The following ISX variants were observed in gnomAD, a reference collection of about 807,000 sequenced individuals.
The protein encoded by ISX is intestine specific homeobox, also known as intestine-specific homeobox.
ISX carries 15 observed loss-of-function variants against 16.9 expected under a neutral mutation model. That is an observed-to-expected ratio of 0.89 (90% CI 0.59 to 1.36). The LOEUF (loss-of-function observed/expected upper bound fraction) is 1.36. ISX is among the 40% of genes most tolerant of loss of function. ISX has a pLI of 0.00. For missense variants in ISX, 316 were observed against 306.1 expected (o/e 1.03, Z -0.24); for synonymous variants, 125 against 119.7 (o/e 1.04, Z -0.29).
At chr22:35,069,127 C>G (rs1928783689) in intron 2 of ISX, among the ~76,000 whole-genome samples, 1 of 152,186 alleles carries the variant, frequency 6.6e-6, no homozygotes, top group Non-Finnish European at 1.5e-5. Flanking sequence ...TACTTTTATA[C>G]TAACCTTGTA....
At chr22:35,067,389 C>G in intron 2 of ISX, 73 bp downstream of exon 2, 1 of 1,058,236 alleles carries the variant, frequency 9.4e-7, no homozygotes, top group Non-Finnish European at 1.4e-6. Context: ...AGAGAAAAAG[C>G]TTCTCCGTCC....
intron 4 of ISX, among the ~76,000 whole-genome samples, chr22:35,084,959 G>A (rs1008326022): frequency 1.3e-5 from 2 of 152,094 alleles, no homozygotes; most frequent in African/African-American, 4.8e-5. Context: ...TAGCACCTAG[G>A]AAGTGCTCCC....
intron 2 of ISX, among the ~76,000 whole-genome samples, chr22:35,076,756 C>T (rs1257958856): frequency 1.3e-5 from 2 of 152,144 alleles, no homozygotes; most frequent in African/African-American, 4.8e-5. Context: ...GGCCTAATCA[C>T]CTGTGTAAAT....
intron 4 of ISX, 36 bp from the exon 5 acceptor site, chr22:35,085,418 G>T (rs769900407): frequency 1.5e-5 from 25 of 1,613,300 alleles, no homozygotes; most frequent in Non-Finnish European, 2.0e-5. Context: ...GACAGCTTAG[G>T]ACTCACTTCT....
At chr22:35,072,914 C>T (rs369528643) in intron 2 of ISX, among the ~76,000 whole-genome samples, 3 of 152,116 alleles carry the variant, frequency 2.0e-5, no homozygotes, top group African/African-American at 4.8e-5. Flanking sequence ...GGGTTGCAGT[C>T]GTCTGGAGGC....
At chr22:35,081,815 G>C (rs1929129644) in intron 2 of ISX, among the ~76,000 whole-genome samples, 1 of 152,188 alleles carries the variant, frequency 6.6e-6, no homozygotes, top group South Asian at 2.1e-4. Flanking sequence ...AACCCACTAT[G>C]ACAATTTAAG....
At chr22:35,078,002 C>T (rs773713715) in intron 2 of ISX, among the ~76,000 whole-genome samples, 4 of 152,078 alleles carry the variant, frequency 2.6e-5, no homozygotes, top group Admixed American at 6.6e-5. Flanking sequence ...CGTTATGACC[C>T]GTCTTCTGTT....
chr22:35,067,342 C>A, intron 2 of ISX, 26 bp downstream of exon 2: 1 of 1,501,616 alleles, frequency 6.7e-7, no homozygotes, highest in East Asian at 2.5e-5. Flanking sequence ...TCATTTCTTT[C>A]TGTTTCCTGG....
chr22:35,079,373 G>C (rs1165227482), intron 2 of ISX, among the ~76,000 whole-genome samples: 2 of 152,148 alleles, frequency 1.3e-5, no homozygotes, highest in Non-Finnish European at 2.9e-5. Flanking sequence ...GAATCCTGTG[G>C]AAGTCTTTTC....
In ISX at chr22:35,066,801, C is replaced by T. The variant is rs962294130; in HGVS notation, c.-287C>T. On this transcript the variant is annotated 5_prime_UTR_variant, in exon 2 of 5. Transcript: ENST00000404699. The stretch of plus-strand genomic sequence containing the variant: ...GTGCAGGCAACTGTGTCCGAGAAGA[C>T]CCTTCTCTGGAAGATTGAACCCCAA... 2.6e-6 allele frequency: 1 copy of T among 382,592 alleles called. No homozygotes were observed. 23.7% of individuals were successfully genotyped at this position (382,592 alleles called of 1,614,324 possible).
At position 35,066,424 on chromosome 22, in the gene ISX, C is replaced by T. The variant is rs1195136674; in HGVS notation, c.-375C>T. The stretch of plus-strand genomic sequence containing the variant: ...CACCCAGGGACCCCCTTTCCTCAGC[C>T]TCCACCTGCAGGACAGCAGGAGCAC... On this transcript the variant is annotated 5_prime_UTR_variant, in exon 1 of 5. Coordinates refer to ENST00000404699, the MANE Select transcript of ISX (RefSeq NM_001303508.2). 5 of 153,056 alleles carry T rather than the reference C, an allele frequency of 3.3e-5. No individual in the cohort carries two copies. The highest frequency in any genetic ancestry group is 5.8e-5 in the Non-Finnish European group (4 of 68,724). 9.5% of individuals were successfully genotyped at this position (153,056 alleles called of 1,614,324 possible). A position where few individuals can be genotyped will look rare whatever the true frequency, so the allele number is the denominator to read the frequency against.
intron 2 of ISX, among the ~76,000 whole-genome samples, chr22:35,069,826 G>C (rs1928802816): frequency 1.3e-5 from 2 of 152,288 alleles, no homozygotes; most frequent in South Asian, 2.1e-4. Context: ...AGAGGAATAA[G>C]TTCCTCTTTG....
At chr22:35,066,549 G>T (rs1928703384) in intron 1 of ISX, 87 bp downstream of exon 1, 1 of 159,500 alleles carries the variant, frequency 6.3e-6, no homozygotes, top group South Asian at 1.8e-4. Context: ...TAAAGCCCAG[G>T]ACTGAATTGG....
At chr22:35,084,531 G>A in intron 4 of ISX, 32 bp downstream of exon 4, 1 of 1,428,088 alleles carries the variant, frequency 7.0e-7, no homozygotes, top group Non-Finnish European at 9.8e-7. Flanking sequence ...GTAGGGTGGA[G>A]GGAGCCATTG....
rs1481870789 is a variant in ISX at position 35,067,306 on chromosome 22, C to T, written c.219C>T (p.Asp73=). 6.4e-7 allele frequency: 1 copy of T among 1,568,818 alleles called. No individual in the cohort carries two copies. Among genetic ancestry groups the T allele is most frequent in the Non-Finnish European group, 8.7e-7 (1 of 1,155,988 alleles). The change falls in exon 2 of 5, where the codon GAC becomes GAT. Residue 73 remains aspartate (D), a synonymous_variant. Transcript: ENST00000404699. ...SGSGLEKPPK[D]QPQEGRKSKR... ...CTGGGCTAGAAAAGCCTCCAAAGGA[C>T]CAGCCCCAGGGTAAGTGTCTTCTGA...
Position 35,073,338 on chromosome 22 carries a change from T to C in ISX, c.229+6022T>C, listed in dbSNP as rs76216311. The stretch of plus-strand genomic sequence containing the variant: ...CCTTTTTGGCCGGTTTTATGGAAGA[T>C]GATTTTTCCATGGACGGTGGGTGGG... On this transcript the variant is annotated intron_variant, in intron 2 of 4. Coordinates refer to ENST00000404699, the MANE Select transcript of ISX (RefSeq NM_001303508.2). Among the ~76,000 whole-genome samples, 26 of 152,274 alleles carry C rather than the reference T, an allele frequency of 1.7e-4. No homozygotes were observed. The East Asian group carries it at 5.0e-3, about 29-fold the overall frequency.
chr22:35,068,685 T>C (rs1928771115), intron 2 of ISX, among the ~76,000 whole-genome samples: 1 of 152,202 alleles, frequency 6.6e-6, no homozygotes, highest in African/African-American at 2.4e-5. Context: ...GAAACCACTC[T>C]TTCTAGGCCT....
intron 2 of ISX, among the ~76,000 whole-genome samples, chr22:35,075,282 T>G (rs1024094410): frequency 6.6e-6 from 1 of 152,078 alleles, no homozygotes; most frequent in Non-Finnish European, 1.5e-5. Flanking sequence ...CAAAATTGAG[T>G]GGCTGGAGTC....
At chr22:35,082,390 C>G (rs754885829) in intron 2 of ISX, 128 bp from the exon 3 acceptor site, 4 of 851,510 alleles carry the variant, frequency 4.7e-6, no homozygotes, top group Non-Finnish European at 7.4e-6. Flanking sequence ...AAGCTCCAAG[C>G]TCAAGAAGCC....
Sources: allele counts gnomAD v4.1 joint callset (sites outside exome capture counted in the v4.1 genomes callset), GRCh38; gene constraint gnomAD v4.1.1; transcripts MANE v1.5; gene names NCBI Gene and HGNC (gene_info 2026-07-23, HGNC 2026-07-21).